Variants in CAMTA1 observed in about 807,000 individuals in gnomAD.
The protein encoded by CAMTA1 is calmodulin binding transcription activator 1.
CAMTA1 carries 27 observed loss-of-function variants against 170.9 expected under a neutral mutation model. The ratio of observed to expected loss-of-function variants is 0.16; its 90% CI spans 0.12 to 0.22. CAMTA1 has a LOEUF of 0.22. Among genes scored for constraint, CAMTA1 ranks in the 10% least tolerant of loss-of-function variants. The pLI is 1.00. For synonymous variants in CAMTA1, 833 were observed against 891.5 expected (o/e 0.93, Z 1.17); for missense variants, 1,619 against 2,217.2 (o/e 0.73, Z 5.42).
intron 1 of CAMTA1, among the ~76,000 whole-genome samples, chr1:6,796,897 A>G (rs138023323): frequency 9.9e-4 from 151 of 152,218 alleles, no homozygotes; most frequent in African/African-American, 3.5e-3. Context: ...AAAAAAGTTT[A>G]TTTTCTCTAC....
chr1:7,172,803 C>T (rs563996762), intron 4 of CAMTA1, among the ~76,000 whole-genome samples: 1 of 152,268 alleles, frequency 6.6e-6, no homozygotes, highest in Non-Finnish European at 1.5e-5. Flanking sequence ...CTGGCATCCC[C>T]GGGGCCCTGG....
intron 4 of CAMTA1, among the ~76,000 whole-genome samples, chr1:7,213,582 G>A (rs1400902840): frequency 1.3e-5 from 2 of 149,476 alleles, no homozygotes; most frequent in South Asian, 2.2e-4. Context: ...CCTTCACAGA[G>A]CAAATATTTT....
chr1:7,269,308 C>G (rs1226437162), intron 5 of CAMTA1, among the ~76,000 whole-genome samples: 1 of 152,210 alleles, frequency 6.6e-6, no homozygotes, highest in Non-Finnish European at 1.5e-5. Flanking sequence ...GGGCACAGGC[C>G]ACCTTTGTTA....
At chr1:7,370,914 C>CTTTTTTTTTTTTTTTTT (rs61387662) in intron 5 of CAMTA1, among the ~76,000 whole-genome samples, 5 of 110,010 alleles carry the variant, frequency 4.5e-5, no homozygotes, top group African/African-American at 7.1e-5. Context: ...TTCTTTCTTT[C>CTTTTTTTTTTTTTTTTT]TTTTTTTTTT....
intron 6 of CAMTA1, among the ~76,000 whole-genome samples, chr1:7,507,725 C>T (rs112705030): frequency 5.2e-4 from 79 of 152,348 alleles, no homozygotes; most frequent in African/African-American, 1.9e-3. Context: ...CTGCTGGCAA[C>T]TTTGGGGCCC....
At chr1:7,613,539 C>A (rs1416479583) in intron 6 of CAMTA1, among the ~76,000 whole-genome samples, 1 of 152,062 alleles carries the variant, frequency 6.6e-6, no homozygotes, top group Admixed American at 6.5e-5. Flanking sequence ...CCAGGACCTG[C>A]GGGAGTGTTT....
chr1:7,199,020 A>G (rs1006669331), intron 4 of CAMTA1, among the ~76,000 whole-genome samples: 1 of 151,858 alleles, frequency 6.6e-6, no homozygotes, highest in Non-Finnish European at 1.5e-5. Flanking sequence ...TGTCTCTTCC[A>G]CCGCCTCCCA....
Position 7,588,839 on chromosome 1 carries a change from T to C in CAMTA1, c.511-51561T>C, listed in dbSNP as rs1399217151. On this transcript the variant is annotated intron_variant, in intron 6 of 22. Coordinates refer to ENST00000303635, the MANE Select transcript of CAMTA1 (RefSeq NM_015215.4). This position sits in a 1 kb window ranked among gnomAD's most constrained non-coding sequence, Gnocchi z 5.8. ...TTAGAGTGCACTCTGTCTTCTGTAA[T>C]GAAATGGGGATGCAGTCCCACCATG... is the stretch of plus-strand genomic sequence containing the variant. 6.6e-6 allele frequency among the ~76,000 whole-genome samples: 1 copy of C among 152,176 alleles called. No homozygotes were observed. Among genetic ancestry groups the C allele is most frequent in the East Asian group, 1.9e-4 (1 of 5,180 alleles).
At chr1:7,269,580 C>T (rs913932430) in intron 5 of CAMTA1, among the ~76,000 whole-genome samples, 5 of 152,066 alleles carry the variant, frequency 3.3e-5, no homozygotes, top group Non-Finnish European at 4.4e-5. Flanking sequence ...GTCTGGTTAT[C>T]GCAATGGGAT....
chr1:7,622,194 T>C (rs992204149), intron 6 of CAMTA1, among the ~76,000 whole-genome samples: 8 of 152,208 alleles, frequency 5.3e-5, no homozygotes, highest in Admixed American at 5.2e-4. Context: ...TGCCCTCCAT[T>C]ACACTTCCCT....
intron 4 of CAMTA1, among the ~76,000 whole-genome samples, chr1:7,094,683 AT>A (rs1641860232): frequency 6.6e-6 from 1 of 152,128 alleles, no homozygotes; most frequent in Admixed American, 6.5e-5. Flanking sequence ...CACCTGTTTA[AT>A]AATGAGGTGT....
At chr1:7,764,355 A>G (rs2150321468) in intron 22 of CAMTA1, among the ~76,000 whole-genome samples, 1 of 152,352 alleles carries the variant, frequency 6.6e-6, no homozygotes, top group Admixed American at 6.5e-5. Flanking sequence ...CACTAGGACC[A>G]AGCTAGGGCT....
At chr1:7,754,104 T>C (rs2096915847) in intron 21 of CAMTA1, among the ~76,000 whole-genome samples, 1 of 152,206 alleles carries the variant, frequency 6.6e-6, no homozygotes, top group South Asian at 2.1e-4. Flanking sequence ...AATACGTTCA[T>C]AGTTCCTTCC....
At chr1:7,606,160 G>T (rs2095485025) in intron 6 of CAMTA1, among the ~76,000 whole-genome samples, 1 of 152,196 alleles carries the variant, frequency 6.6e-6, no homozygotes, top group Non-Finnish European at 1.5e-5. Flanking sequence ...CCCAGCCCTG[G>T]TCCTGAAGCA....
intron 6 of CAMTA1, among the ~76,000 whole-genome samples, chr1:7,506,732 GCAT>G (rs2094120174): frequency 6.7e-6 from 1 of 150,272 alleles, no homozygotes; most frequent in Non-Finnish European, 1.5e-5. Context: ...ATTCACACTA[GCAT>G]CATGCTCACA....
chr1:7,022,621 G>T (rs548329732), intron 3 of CAMTA1, among the ~76,000 whole-genome samples: 15 of 152,286 alleles, frequency 9.8e-5, no homozygotes, highest in Non-Finnish European at 2.1e-4. Context: ...TGTTGCCAGC[G>T]CCTCACCTCC....
rs529366405 is a variant in CAMTA1, at chr1:7,234,472, T to C, written c.303-15019T>C. On this transcript the variant is annotated intron_variant, in intron 4 of 22. Coordinates refer to ENST00000303635, the MANE Select transcript of CAMTA1 (RefSeq NM_015215.4). The surrounding 1 kb of genome is among the most constrained non-coding windows in gnomAD (Gnocchi z 5.0). Reference sequence around the variant, plus strand: ...TCTGTGCGTCATTGTTCTTCCTCCCTACCGGACTGCAAGCTGTGCAGAGGC... The same window carrying C: ...TCTGTGCGTCATTGTTCTTCCTCCCCACCGGACTGCAAGCTGTGCAGAGGC... 6.6e-6 allele frequency among the ~76,000 whole-genome samples: 1 copy of C among 152,304 alleles called. No individual in the cohort carries two copies. The highest frequency in any genetic ancestry group is 1.9e-4 in the East Asian group (1 of 5,174).
At chr1:7,208,963 G>A (rs1658264851) in intron 4 of CAMTA1, among the ~76,000 whole-genome samples, 1 of 152,180 alleles carries the variant, frequency 6.6e-6, no homozygotes, top group Non-Finnish European at 1.5e-5. Context: ...GGTTGACTCT[G>A]TCCTGGGTGG....
intron 11 of CAMTA1, among the ~76,000 whole-genome samples, chr1:7,698,077 C>T (rs897411490): frequency 3.1e-5 from 1 of 32,632 alleles, no homozygotes; most frequent in Non-Finnish European, 6.2e-5. Flanking sequence ...CACTGTGACC[C>T]CCCCCCCCCC....
Sources: gnomAD v4.1 joint callset for allele counts (sites outside exome capture counted in the v4.1 genomes callset) on GRCh38, gnomAD v4.1.1 for gene constraint, Gnocchi (gnomAD v3.1) non-coding constraint, MANE v1.5 for transcripts, NCBI Gene and HGNC (gene_info 2026-07-23, HGNC 2026-07-21) for gene names.